The following PTPRD variants were observed in gnomAD, a reference collection of about 807,000 sequenced individuals.
PTPRD encodes the protein receptor-type tyrosine-protein phosphatase delta.
PTPRD carries 34 observed loss-of-function variants against 214.5 expected under a neutral mutation model. The ratio of observed to expected loss-of-function variants is 0.16; its 90% CI spans 0.12 to 0.21. PTPRD has a LOEUF of 0.21. Ranked by LOEUF, PTPRD falls within the 10% of genes least tolerant of loss-of-function variation. The pLI, the probability that PTPRD is intolerant of heterozygous loss-of-function variation, is 1.00. For missense variants in PTPRD, 2,545 were observed against 2,398.7 expected (o/e 1.06, Z -1.27); for synonymous variants, 1,128 against 845.7 (o/e 1.33, Z -5.79).
At chr9:10,127,079 C>A (rs777374998) in intron 3 of PTPRD, among the ~76,000 whole-genome samples, 1 of 151,708 alleles carries the variant, frequency 6.6e-6, no homozygotes, top group Admixed American at 6.6e-5. Context: ...AAACAGTGCA[C>A]GTATTTCTCC....
At chr9:9,177,522 ATAAC>A (rs2099925644) in intron 10 of PTPRD, among the ~76,000 whole-genome samples, 1 of 152,164 alleles carries the variant, frequency 6.6e-6, no homozygotes, top group South Asian at 2.1e-4. Context: ...ATATTAGAGC[ATAAC>A]TATCTTAAAA....
intron 39 of PTPRD, among the ~76,000 whole-genome samples, chr9:8,353,525 T>C (rs1339577268): frequency 6.0e-5 from 9 of 151,180 alleles, no homozygotes; most frequent in Non-Finnish European, 1.3e-4. Flanking sequence ...CTCCGTTTCC[T>C]GGGTTCAAGT....
At chr9:9,067,652 TTATAATATA>T (rs1331194277) in intron 10 of PTPRD, among the ~76,000 whole-genome samples, 1 of 152,210 alleles carries the variant, frequency 6.6e-6, no homozygotes, top group African/African-American at 2.4e-5. Flanking sequence ...CTTTATTTTG[TTATAATATA>T]GATTTGCATA....
At chr9:9,241,663 C>A (rs921687951) in intron 9 of PTPRD, among the ~76,000 whole-genome samples, 1 of 151,856 alleles carries the variant, frequency 6.6e-6, no homozygotes, top group Non-Finnish European at 1.5e-5. Flanking sequence ...ACTAGGATTG[C>A]AACCCCTGCC....
intron 8 of PTPRD, among the ~76,000 whole-genome samples, chr9:9,553,375 T>C (rs2080791483): frequency 6.6e-6 from 1 of 152,098 alleles, no homozygotes; most frequent in Non-Finnish European, 1.5e-5. Context: ...GCCAACATTG[T>C]ACAAACCTAA....
chr9:9,496,307 A>T (rs1235623595), intron 8 of PTPRD, among the ~76,000 whole-genome samples: 1 of 152,186 alleles, frequency 6.6e-6, no homozygotes, highest in East Asian at 1.9e-4. Context: ...TAATGAGAGA[A>T]AATATATTAA....
At chr9:9,089,462 A>G (rs1000698663) in intron 10 of PTPRD, among the ~76,000 whole-genome samples, 1 of 152,220 alleles carries the variant, frequency 6.6e-6, no homozygotes, top group African/African-American at 2.4e-5. Flanking sequence ...GCGGCAGGCC[A>G]TTTAACCTTT....
chr9:9,601,582 G>A (rs895185021), intron 7 of PTPRD, among the ~76,000 whole-genome samples: 7 of 151,976 alleles, frequency 4.6e-5, no homozygotes, highest in Non-Finnish European at 8.8e-5. Context: ...GCAATTCAAT[G>A]CTCAAATTTA....
At chr9:9,310,884 C>G (rs1167515487) in intron 9 of PTPRD, among the ~76,000 whole-genome samples, 2 of 151,140 alleles carry the variant, frequency 1.3e-5, no homozygotes, top group African/African-American at 4.9e-5. Flanking sequence ...CGCCATTGCA[C>G]TCCAGCCTGG....
intron 14 of PTPRD, among the ~76,000 whole-genome samples, chr9:8,553,456 C>T (rs2140906165): frequency 6.6e-6 from 1 of 152,240 alleles, no homozygotes; most frequent in East Asian, 1.9e-4. Context: ...TAGTGGAATG[C>T]ATTAATTCCA....
intron 9 of PTPRD, among the ~76,000 whole-genome samples, chr9:9,286,144 T>C (rs1401006160): frequency 6.6e-6 from 1 of 151,854 alleles, no homozygotes; most frequent in Non-Finnish European, 1.5e-5. Flanking sequence ...TTTCTCCCAC[T>C]TCACATTTCA....
Position 9,399,118 on chromosome 9 carries a change from C to T in PTPRD, c.-236-1636G>A, listed in dbSNP as rs547107623. 3.3e-5 allele frequency among the ~76,000 whole-genome samples: 5 copies of T among 152,070 alleles called. No individual in the cohort carries two copies. In the South Asian group the frequency reaches 1.0e-3, roughly 32 times the overall value. On this transcript the variant is annotated intron_variant, in intron 8 of 45. Transcript: ENST00000381196. The stretch of plus-strand genomic sequence containing the variant: ...AAATAATTATAAATCCACTATTCTG[C>T]TATTTCATTAAGAACTTTTCTTACT...
intron 7 of PTPRD, among the ~76,000 whole-genome samples, chr9:9,667,830 T>C (rs1594746820): frequency 6.6e-6 from 1 of 152,304 alleles, no homozygotes; most frequent in East Asian, 1.9e-4. Context: ...GAAGCAGTAA[T>C]CTGCATTTTG....
chr9:10,250,159 A>T (rs2092637189), intron 3 of PTPRD, among the ~76,000 whole-genome samples: 1 of 152,168 alleles, frequency 6.6e-6, no homozygotes, highest in African/African-American at 2.4e-5. Flanking sequence ...TAAAGTGAAC[A>T]TTTATTGTTT....
chr9:9,072,696 C>T (rs753341198), intron 10 of PTPRD, among the ~76,000 whole-genome samples: 2 of 152,102 alleles, frequency 1.3e-5, no homozygotes, highest in East Asian at 1.9e-4. Context: ...CTATGATAAT[C>T]GTCATTTTGC....
At chr9:8,530,562 T>A (rs2075420412) in intron 14 of PTPRD, among the ~76,000 whole-genome samples, 1 of 152,140 alleles carries the variant, frequency 6.6e-6, no homozygotes, top group Admixed American at 6.6e-5. Flanking sequence ...CAGGAGTTCT[T>A]CCATGTTTTA....
intron 12 of PTPRD, among the ~76,000 whole-genome samples, chr9:8,699,680 T>G (rs964204952): frequency 2.0e-5 from 3 of 152,068 alleles, no homozygotes; most frequent in Non-Finnish European, 2.9e-5. Flanking sequence ...AATAAACAAG[T>G]TGTAAAAAAT....
chr9:10,552,469 G>A (rs180807596), intron 2 of PTPRD, among the ~76,000 whole-genome samples: 6 of 152,026 alleles, frequency 3.9e-5, no homozygotes, highest in Admixed American at 3.3e-4. Context: ...TCATTCTTCT[G>A]TCTTTTTTTT....
intron 10 of PTPRD, among the ~76,000 whole-genome samples, chr9:9,139,136 CT>C (rs1321390196): frequency 7.0e-6 from 1 of 142,234 alleles, no homozygotes; most frequent in Admixed American, 7.0e-5. Flanking sequence ...GGGATACATT[CT>C]GAGACTCCTA....
Sources: gnomAD v4.1 joint callset for allele counts (sites outside exome capture counted in the v4.1 genomes callset) on GRCh38, gnomAD v4.1.1 for gene constraint, MANE v1.5 for transcripts, NCBI Gene and HGNC (gene_info 2026-07-23, HGNC 2026-07-21) for gene names.